Variants in CFAP54 observed in about 807,000 individuals in gnomAD.
The protein encoded by CFAP54 is cilia and flagella associated protein 54.
In CFAP54, 290 loss-of-function variants were observed where a neutral mutation model predicts 370.4. The ratio of observed to expected loss-of-function variants is 0.78; its 90% CI spans 0.71 to 0.86. The LOEUF (loss-of-function observed/expected upper bound fraction) is 0.86. Ranked by LOEUF, CFAP54 falls within the 40% of genes least tolerant of loss-of-function variation. The pLI is 0.00. For missense variants in CFAP54, 3,399 were observed against 3,528.7 expected (o/e 0.96, Z 0.93); for synonymous variants, 1,206 against 1,236.5 (o/e 0.98, Z 0.52).
At chr12:96,710,551 C>T (rs180707195) in intron 48 of CFAP54, among the ~76,000 whole-genome samples, 1 of 152,200 alleles carries the variant, frequency 6.6e-6, no homozygotes, top group African/African-American at 2.4e-5. Context: ...GGGGCATGGG[C>T]TCTTTAGTTT....
At chr12:96,668,236 A>T (rs1957103243) in intron 39 of CFAP54, among the ~76,000 whole-genome samples, 1 of 152,114 alleles carries the variant, frequency 6.6e-6, no homozygotes, top group Non-Finnish European at 1.5e-5. Context: ...TCTGCCTGTT[A>T]CCCAGTTCCA....
intron 32 of CFAP54, among the ~76,000 whole-genome samples, chr12:96,631,588 TATC>T (rs1956608337): frequency 1.3e-5 from 2 of 151,104 alleles, no homozygotes; most frequent in Non-Finnish European, 3.0e-5. Flanking sequence ...ATATACTAAA[TATC>T]ATATAATAAA....
chr12:96,689,676 G>A (rs905678377), intron 43 of CFAP54, among the ~76,000 whole-genome samples: 1 of 152,090 alleles, frequency 6.6e-6, no homozygotes, highest in African/African-American at 2.4e-5. Context: ...TGATAAAGGT[G>A]AAAAATAACT....
chr12:96,623,901 A>G lies in CFAP54; in HGVS notation c.3886+20A>G, dbSNP rs1243560740. On this transcript the variant is annotated intron_variant, in intron 28 of 67. Coordinates refer to ENST00000524981, the MANE Select transcript of CFAP54 (RefSeq NM_001306084.2). Reference sequence around the variant, plus strand: ...AGCAATGTAATCATTTGTTTTCTGTATACTTCCATTTAGCATTAAGTTTTT... The same window carrying G: ...AGCAATGTAATCATTTGTTTTCTGTGTACTTCCATTTAGCATTAAGTTTTT... 7.1e-7 allele frequency: 1 copy of G among 1,414,776 alleles called. No individual in the cohort carries two copies. The allele number at this position is 1,414,776 out of a possible 1,614,324, so 87.6% of individuals were successfully genotyped here. A position where few individuals can be genotyped will look rare whatever the true frequency, so the allele number is the denominator to read the frequency against.
In CFAP54 at chr12:96,621,570, T is replaced by G; in HGVS notation, c.3640-20T>G. 1 of 1,414,302 alleles carries G rather than the reference T, an allele frequency of 7.1e-7. No individual in the cohort carries two copies. Among genetic ancestry groups the G allele is most frequent in the Non-Finnish European group, 9.4e-7 (1 of 1,062,512 alleles). The allele number at this position is 1,414,302 out of a possible 1,614,324, so 87.6% of individuals were successfully genotyped here. ...GACAAGAATGTCCAACAGAGATAAT[T>G]AATAAATATTTTAAATTAGATTCTT... On this transcript the variant is annotated intron_variant, in intron 26 of 67. Coordinates refer to ENST00000524981, the MANE Select transcript of CFAP54 (RefSeq NM_001306084.2).
intron 60 of CFAP54, among the ~76,000 whole-genome samples, chr12:96,769,839 A>G (rs956783014): frequency 1.3e-5 from 2 of 152,174 alleles, no homozygotes; most frequent in East Asian, 3.8e-4. Context: ...CTTACAGTGA[A>G]CCTATTGTCA....
At position 96,875,428 on chromosome 12, in the gene CFAP54, C is replaced by T. The variant is rs1960284760; in HGVS notation, c.*325C>T. Reference sequence around the variant, plus strand: ...TGTGAGTTCCAGGTCTGTATATCTCCTCAGCTCGCTCTCATTTGTCCAGCT... The same window carrying T: ...TGTGAGTTCCAGGTCTGTATATCTCTTCAGCTCGCTCTCATTTGTCCAGCT... On this transcript the variant is annotated 3_prime_UTR_variant, in exon 68 of 68. Transcript: ENST00000524981. 1 of 152,178 alleles carries T rather than the reference C, an allele frequency of 6.6e-6. No individual in the cohort carries two copies. The highest frequency in any genetic ancestry group is 1.5e-5 in the Non-Finnish European group (1 of 68,038). 9.4% of individuals were successfully genotyped at this position (152,178 alleles called of 1,614,324 possible). A position where few individuals can be genotyped will look rare whatever the true frequency, so the allele number is the denominator to read the frequency against.
In CFAP54 at chr12:96,691,162, C is replaced by T. The variant is rs1957383665; in HGVS notation, c.6116C>T (p.Ala2039Val). 1 of 1,613,516 alleles carries T rather than the reference C, an allele frequency of 6.2e-7. No homozygotes were observed. Among genetic ancestry groups the T allele is most frequent in the Admixed American group, 1.7e-5 (1 of 59,972 alleles). ...LLRTTLPHPK[A>V]ERCYAQYEIT... Reference sequence around the variant, plus strand: ...AGAACAACACTTCCACATCCCAAAGCTGAACGTTGCTATGCTCAATATGAA... The same window carrying T: ...AGAACAACACTTCCACATCCCAAAGTTGAACGTTGCTATGCTCAATATGAA... The change falls in exon 44 of 68, where the codon GCT becomes GTT. Residue 2039 changes from alanine (A) to valine (V), a missense_variant. Coordinates refer to ENST00000524981, the MANE Select transcript of CFAP54 (RefSeq NM_001306084.2).
At chr12:96,502,264 G>A (rs899723124) in intron 2 of CFAP54, among the ~76,000 whole-genome samples, 5 of 151,920 alleles carry the variant, frequency 3.3e-5, no homozygotes, top group Middle Eastern at 3.4e-3. Context: ...TCACTGAAGG[G>A]AATGTTGGCC....
chr12:96,794,724 A>G (rs1693091054), intron 63 of CFAP54, among the ~76,000 whole-genome samples: 1 of 152,054 alleles, frequency 6.6e-6, no homozygotes. Flanking sequence ...CAACCTTCTG[A>G]GTTCTTTTTC....
chr12:96,776,461 C>T (rs1324439845), intron 60 of CFAP54, among the ~76,000 whole-genome samples: 2 of 152,104 alleles, frequency 1.3e-5, no homozygotes, highest in Admixed American at 6.5e-5. Context: ...TATTACAGAT[C>T]TCATTAATGT....
chr12:96,764,317 C>A, intron 59 of CFAP54, 68 bp downstream of exon 59: 1 of 1,173,964 alleles, frequency 8.5e-7, no homozygotes, highest in Non-Finnish European at 1.2e-6. Flanking sequence ...TTAAAGAACA[C>A]AATATACCTG....
intron 19 of CFAP54, among the ~76,000 whole-genome samples, chr12:96,574,836 G>A (rs999053512): frequency 4.6e-5 from 7 of 151,994 alleles, no homozygotes; most frequent in African/African-American, 1.7e-4. Context: ...GTGTTTTTAT[G>A]TGTAGTTGTT....
chr12:96,698,488 A>C (rs541567915), intron 45 of CFAP54, among the ~76,000 whole-genome samples: 57 of 152,340 alleles, frequency 3.7e-4, no homozygotes, highest in African/African-American at 1.3e-3. Context: ...AATAATATGC[A>C]GTCATAAAAA....
chr12:96,616,028 A>T (rs1956413048), intron 26 of CFAP54, among the ~76,000 whole-genome samples: 1 of 152,224 alleles, frequency 6.6e-6, no homozygotes, highest in Admixed American at 6.5e-5. Flanking sequence ...TACCCAAAGG[A>T]TTATAAATCA....
At chr12:96,803,032 A>G (rs1050559836) in intron 63 of CFAP54, among the ~76,000 whole-genome samples, 2 of 152,196 alleles carry the variant, frequency 1.3e-5, no homozygotes, top group African/African-American at 4.8e-5. Flanking sequence ...GCTGCATAGC[A>G]TTCCATGGTG....
At chr12:96,568,616 G>A (rs1314934444) in intron 19 of CFAP54, among the ~76,000 whole-genome samples, 2 of 152,132 alleles carry the variant, frequency 1.3e-5, no homozygotes, top group Non-Finnish European at 2.9e-5. Context: ...ACTGGGGTAC[G>A]TAACAGAATG....
At chr12:96,826,139 A>T (rs1438276927) in intron 65 of CFAP54, among the ~76,000 whole-genome samples, 3 of 146,228 alleles carry the variant, frequency 2.1e-5, no homozygotes, top group Non-Finnish European at 3.0e-5. Flanking sequence ...ACTGGTTAAA[A>T]CCTTGAAATA....
In CFAP54 at chr12:96,693,767, TG is replaced by T. The variant is rs1270100909; in HGVS notation, c.6311del (p.Cys2104PhefsTer4). ...ALYQYFVSGI[C>X]QDITRNLEAR... is the part of the protein sequence containing the mutation. ...GTATCAATATTTTGTTTCTGGAATT[TG>T]TCAAGACATAACAAGAAATCTAGAA... On this transcript the variant is annotated frameshift_variant, in exon 45 of 68. Coordinates refer to ENST00000524981, the MANE Select transcript of CFAP54 (RefSeq NM_001306084.2). LOFTEE classifies it high-confidence loss of function. 3.7e-6 allele frequency: 6 copies of T among 1,602,604 alleles called. No homozygotes were observed. In the African/African-American group the frequency reaches 5.4e-5, roughly 14 times the overall value.
Sources: gnomAD v4.1 joint callset for allele counts (sites outside exome capture counted in the v4.1 genomes callset) on GRCh38, gnomAD v4.1.1 for gene constraint, MANE v1.5 for transcripts, NCBI Gene and HGNC (gene_info 2026-07-23, HGNC 2026-07-21) for gene names.